MICU3: variants seen among roughly 807,000 people sequenced by gnomAD.
The protein encoded by MICU3 is calcium uptake protein 3, mitochondrial.
In MICU3, 62 loss-of-function variants were observed where a neutral mutation model predicts 66.5. The ratio of observed to expected loss-of-function variants is 0.93; its 90% CI spans 0.76 to 1.15. MICU3 has a LOEUF of 1.15. Ranked by LOEUF, MICU3 falls within the 50% of genes most tolerant of loss-of-function variation. MICU3 has a pLI of 0.00. For missense variants in MICU3, 779 were observed against 664.4 expected (o/e 1.17, Z -1.90); for synonymous variants, 308 against 240.7 (o/e 1.28, Z -2.59).
chr8:17,132,715 A>G, the MICU3 span: 5 of 152,192 alleles, frequency 3.3e-5, no homozygotes, highest in African/African-American at 1.2e-4. Context: ...CCCTTTAAGA[A>G]CTCAGATCTC....
chr8:17,099,426 T>C (rs1041241562), intron 9 of MICU3, among the ~76,000 whole-genome samples: 1 of 151,806 alleles, frequency 6.6e-6, no homozygotes, highest in African/African-American at 2.4e-5. Flanking sequence ...CTGGAATCAG[T>C]TGTGACTTCT....
chr8:17,068,797 A>C (rs998357114), intron 2 of MICU3, among the ~76,000 whole-genome samples: 2 of 152,200 alleles, frequency 1.3e-5, no homozygotes, highest in Admixed American at 6.5e-5. Context: ...TTAATTATAC[A>C]GAAATAGCCC....
At chr8:17,091,664 T>C (rs1563363901) in intron 8 of MICU3, among the ~76,000 whole-genome samples, 1 of 152,100 alleles carries the variant, frequency 6.6e-6, no homozygotes, top group South Asian at 2.1e-4. Flanking sequence ...AGGATCCATA[T>C]AAGTAATTGT....
chr8:17,112,103 A>T (rs1175712665), intron 11 of MICU3, among the ~76,000 whole-genome samples: 1 of 152,028 alleles, frequency 6.6e-6, no homozygotes, highest in East Asian at 1.9e-4. Context: ...CTCCCTCAAC[A>T]TGGGGGGATT....
chr8:17,106,900 T>C (rs10112670), intron 11 of MICU3, among the ~76,000 whole-genome samples: 12,933 of 152,034 alleles, frequency 0.085, 1,935 homozygotes, highest in African/African-American at 0.3. Flanking sequence ...TACCACACTC[T>C]ACTTATGTCT....
In MICU3 at chr8:17,085,331, G is replaced by T. The variant is rs1195848082; in HGVS notation, c.777+13G>T. 6.8e-7 allele frequency: 1 copy of T among 1,478,730 alleles called. No individual in the cohort carries two copies. The highest frequency in any genetic ancestry group is 2.3e-5 in the East Asian group (1 of 43,886). 91.6% of individuals were successfully genotyped at this position (1,478,730 alleles called of 1,614,324 possible). On this transcript the variant is annotated intron_variant, in intron 6 of 14. Transcript: ENST00000318063. The stretch of plus-strand genomic sequence containing the variant: ...AGAGTTTTTGGTGGTATGTATACTA[G>T]ATGCTGCACTTTATCAATAATTAAA...
the MICU3 span, chr8:17,132,852 G>A: frequency 1.1e-4 from 17 of 152,300 alleles, no homozygotes; most frequent in Non-Finnish European, 2.2e-4. Context: ...AATCACAAAC[G>A]TAATAGTATT....
chr8:17,116,655 C>T (rs748505325), intron 13 of MICU3, 55 bp downstream of exon 13: 1 of 1,230,864 alleles, frequency 8.1e-7, no homozygotes, highest in Non-Finnish European at 1.1e-6. Flanking sequence ...TGAGGGAAAT[C>T]AATCCATCTA....
At chr8:17,073,973 T>C (rs1017971390) in intron 3 of MICU3, among the ~76,000 whole-genome samples, 1 of 152,194 alleles carries the variant, frequency 6.6e-6, no homozygotes, top group African/African-American at 2.4e-5. Flanking sequence ...AAAACTATTT[T>C]CATCATAATA....
chr8:17,033,628 G>A (rs1423256661), intron 1 of MICU3, among the ~76,000 whole-genome samples: 5 of 151,942 alleles, frequency 3.3e-5, no homozygotes, highest in African/African-American at 7.3e-5. Context: ...TAGTAGAGAC[G>A]GGATTTCACT....
intron 5 of MICU3, among the ~76,000 whole-genome samples, chr8:17,083,738 C>G (rs968725403): frequency 6.6e-6 from 1 of 152,082 alleles, no homozygotes; most frequent in African/African-American, 2.4e-5. Flanking sequence ...AGTAATGAAG[C>G]AAGTCCAGTC....
intron 9 of MICU3, among the ~76,000 whole-genome samples, chr8:17,103,092 G>T (rs1801411559): frequency 6.6e-6 from 1 of 152,066 alleles, no homozygotes; most frequent in African/African-American, 2.4e-5. Context: ...TTTAGAAACA[G>T]ATTTTAATGC....
chr8:17,060,374 G>A (rs1355538705), intron 1 of MICU3, among the ~76,000 whole-genome samples: 2 of 151,542 alleles, frequency 1.3e-5, no homozygotes, highest in African/African-American at 4.9e-5. Flanking sequence ...TTGGTGTACT[G>A]CAGCCTCTGC....
intron 11 of MICU3, among the ~76,000 whole-genome samples, chr8:17,110,756 C>T (rs1051770595): frequency 2.6e-4 from 39 of 151,400 alleles, no homozygotes; most frequent in Non-Finnish European, 4.7e-4. Context: ...GGGGTAGAGA[C>T]AGGGTTTTTT....
At chr8:17,093,839 A>T (rs984961893) in intron 8 of MICU3, among the ~76,000 whole-genome samples, 1 of 151,950 alleles carries the variant, frequency 6.6e-6, no homozygotes, top group Non-Finnish European at 1.5e-5. Context: ...AGTGATGATG[A>T]AGCTTTCCCT....
At chr8:17,031,572 C>T (rs952553278) in intron 1 of MICU3, among the ~76,000 whole-genome samples, 15 of 151,922 alleles carry the variant, frequency 9.9e-5, no homozygotes, top group African/African-American at 2.4e-4. Flanking sequence ...AGTCGTGAGC[C>T]GCTGCACCCA....
intron 1 of MICU3, among the ~76,000 whole-genome samples, chr8:17,053,564 T>C (rs1306961654): frequency 6.6e-6 from 1 of 152,192 alleles, no homozygotes; most frequent in East Asian, 1.9e-4. Context: ...ATTGACACAA[T>C]ATTTTTATTT....
chr8:17,093,835 G>T (rs567382145), intron 8 of MICU3, among the ~76,000 whole-genome samples: 1 of 151,794 alleles, frequency 6.6e-6, no homozygotes, highest in Non-Finnish European at 1.5e-5. Flanking sequence ...CTGTAGTGAT[G>T]ATGAAGCTTT....
chr8:17,104,546 G>A (rs1585520532), intron 10 of MICU3, 55 bp downstream of exon 10: 1 of 956,830 alleles, frequency 1.0e-6, no homozygotes. Flanking sequence ...AAATCAGAAG[G>A]ATCTTTAGAA....
Sources: allele counts gnomAD v4.1 joint callset (sites outside exome capture counted in the v4.1 genomes callset), GRCh38; gene constraint gnomAD v4.1.1; transcripts MANE v1.5; gene names NCBI Gene and HGNC (gene_info 2026-07-23, HGNC 2026-07-21).